Variants in NEGR1 observed in about 807,000 individuals in gnomAD.
NEGR1 encodes IgLON family member 4.
In NEGR1, 10 loss-of-function variants were observed where a neutral mutation model predicts 40.9. The ratio of observed to expected loss-of-function variants is 0.24; its 90% CI spans 0.15 to 0.42. NEGR1 has a LOEUF of 0.42. Among genes scored for constraint, NEGR1 ranks in the 10% least tolerant of loss-of-function variants. The probability of loss-of-function intolerance (pLI) is 1.00; values close to 1 mark genes in which losing one functional copy is unlikely to be tolerated. For missense variants in NEGR1, 352 were observed against 438.9 expected (o/e 0.80, Z 1.77); for synonymous variants, 185 against 166.8 (o/e 1.11, Z -0.84).
chr1:71,701,471 A>G (rs539889181), intron 3 of NEGR1, among the ~76,000 whole-genome samples: 3 of 152,102 alleles, frequency 2.0e-5, no homozygotes, highest in African/African-American at 7.2e-5. Flanking sequence ...TACTGCCTCT[A>G]CTACAGTCTC....
At chr1:71,588,130 C>G (rs1217546998) in intron 6 of NEGR1, among the ~76,000 whole-genome samples, 1 of 152,068 alleles carries the variant, frequency 6.6e-6, no homozygotes, top group Non-Finnish European at 1.5e-5. Flanking sequence ...TGATAGCATA[C>G]ATTTGATGAA....
rs188420529 is a variant in NEGR1 at position 71,894,278 on chromosome 1, C to G, written c.409+40801G>C. Among the ~76,000 whole-genome samples the G allele has an allele frequency of 3.2e-3, 474 of 150,432 alleles. 2 individuals are homozygous for G. Among genetic ancestry groups the G allele is most frequent in the Non-Finnish European group, 5.2e-3 (353 of 67,534 alleles). ...GAATGGAGAAGTCAAGAACACAAGACTTTTTGGTATGTGCTTGAATACTAC... is the reference window on the plus strand; with the variant it reads ...GAATGGAGAAGTCAAGAACACAAGAGTTTTTGGTATGTGCTTGAATACTAC... On this transcript the variant is annotated intron_variant, in intron 2 of 6. Transcript: ENST00000357731.
chr1:71,602,238 CTTTTTTTTTT>C (rs386367303), intron 5 of NEGR1, among the ~76,000 whole-genome samples: 5 of 64,540 alleles, frequency 7.7e-5, no homozygotes, highest in African/African-American at 2.3e-4. Context: ...CATGATTATT[CTTTTTTTTTT>C]TTTTTTTTTT....
At chr1:71,963,393 T>C (rs1646183095) in intron 1 of NEGR1, among the ~76,000 whole-genome samples, 2 of 152,258 alleles carry the variant, frequency 1.3e-5, no homozygotes, top group Non-Finnish European at 2.9e-5. Flanking sequence ...ATTCACGTCT[T>C]TTAGGTGGAG....
At chr1:71,650,176 T>C (rs1185164635) in intron 4 of NEGR1, among the ~76,000 whole-genome samples, 1 of 152,050 alleles carries the variant, frequency 6.6e-6, no homozygotes, top group African/African-American at 2.4e-5. Context: ...ACTTATACTC[T>C]TAGAGGTGGA....
At chr1:72,058,306 G>A (rs1647130591) in intron 1 of NEGR1, among the ~76,000 whole-genome samples, 3 of 151,450 alleles carry the variant, frequency 2.0e-5, no homozygotes, top group Non-Finnish European at 3.0e-5. Context: ...AATTGGCAGA[G>A]TATCAAAAGA....
chr1:71,974,153 G>T (rs1646282103), intron 1 of NEGR1, among the ~76,000 whole-genome samples: 1 of 152,038 alleles, frequency 6.6e-6, no homozygotes, highest in South Asian at 2.1e-4. Context: ...AAGGACATGG[G>T]GCCATGCACA....
intron 3 of NEGR1, among the ~76,000 whole-genome samples, chr1:71,737,709 A>G (rs1655083513): frequency 6.6e-6 from 1 of 152,208 alleles, no homozygotes. Context: ...AGATTTGCAA[A>G]AAGATTAAAT....
At chr1:72,071,762 C>G (rs746125666) in intron 1 of NEGR1, among the ~76,000 whole-genome samples, 8 of 152,098 alleles carry the variant, frequency 5.3e-5, no homozygotes, top group Admixed American at 2.6e-4. Context: ...TCCACAACCA[C>G]TTCCTCAGTT....
intron 6 of NEGR1, among the ~76,000 whole-genome samples, chr1:71,586,363 TG>T (rs1168142015): frequency 6.6e-6 from 1 of 152,184 alleles, no homozygotes; most frequent in Non-Finnish European, 1.5e-5. Context: ...TGTAATGTGA[TG>T]GGTAGGAAAA....
intron 1 of NEGR1, among the ~76,000 whole-genome samples, chr1:72,212,810 C>T (rs1445480152): frequency 6.6e-6 from 1 of 151,842 alleles, no homozygotes; most frequent in Non-Finnish European, 1.5e-5. Context: ...AAATACTGCA[C>T]TTCATAAGCC....
chr1:72,189,756 A>G (rs1557570230), intron 1 of NEGR1, among the ~76,000 whole-genome samples: 1 of 151,638 alleles, frequency 6.6e-6, no homozygotes, highest in South Asian at 2.1e-4. Flanking sequence ...AAGCAAGTAG[A>G]TATAGTAATA....
intron 4 of NEGR1, among the ~76,000 whole-genome samples, chr1:71,680,040 T>C (rs904550730): frequency 5.3e-5 from 8 of 152,054 alleles, no homozygotes; most frequent in Non-Finnish European, 8.8e-5. Context: ...GTTTAGAATC[T>C]TTGAATCAAT....
At chr1:71,447,162 T>C (rs1234684426) in intron 6 of NEGR1, among the ~76,000 whole-genome samples, 2 of 152,224 alleles carry the variant, frequency 1.3e-5, no homozygotes, top group Non-Finnish European at 2.9e-5. Context: ...CATTAGATTC[T>C]CATAGGAGCG....
intron 1 of NEGR1, among the ~76,000 whole-genome samples, chr1:72,270,175 G>T (rs1655795253): frequency 6.6e-6 from 1 of 151,734 alleles, no homozygotes; most frequent in South Asian, 2.1e-4. Context: ...TATAAGAGTG[G>T]GAAAGAAATA....
intron 3 of NEGR1, among the ~76,000 whole-genome samples, chr1:71,735,360 T>A (rs545523236): frequency 2.9e-4 from 44 of 152,232 alleles, no homozygotes; most frequent in African/African-American, 9.9e-4. Flanking sequence ...CACCACTAAC[T>A]GTAAGCTGTT....
intron 4 of NEGR1, among the ~76,000 whole-genome samples, chr1:71,694,738 T>C (rs1171305145): frequency 6.6e-6 from 1 of 151,822 alleles, no homozygotes; most frequent in Admixed American, 6.6e-5. Context: ...TCTTCTCAAA[T>C]TGACTTACCA....
chr1:72,011,346 A>G (rs951758422), intron 1 of NEGR1, among the ~76,000 whole-genome samples: 5 of 152,096 alleles, frequency 3.3e-5, no homozygotes, highest in Non-Finnish European at 7.4e-5. Context: ...TATCTTGGGG[A>G]AAGGGAAGGT....
At chr1:72,136,848 T>C (rs1409732763) in intron 1 of NEGR1, among the ~76,000 whole-genome samples, 1 of 151,954 alleles carries the variant, frequency 6.6e-6, no homozygotes, top group African/African-American at 2.4e-5. Flanking sequence ...AATCTATCCA[T>C]CTGACAAAGG....
Sources: allele counts gnomAD v4.1 joint callset (sites outside exome capture counted in the v4.1 genomes callset), GRCh38; gene constraint gnomAD v4.1.1; transcripts MANE v1.5; gene names NCBI Gene and HGNC (gene_info 2026-07-23, HGNC 2026-07-21).